The following UBE3A variants were observed in gnomAD, a reference collection of about 807,000 sequenced individuals.
UBE3A encodes the protein ubiquitin-protein ligase E3A.
Under a neutral mutation model 83.4 loss-of-function variants are expected in UBE3A, and 6 were observed. The ratio of observed to expected loss-of-function variants is 0.07; its 90% CI spans 0.04 to 0.14. The LOEUF (loss-of-function observed/expected upper bound fraction) is 0.14, where lower values mean the gene tolerates loss of function less well. UBE3A is among the 10% of genes least tolerant of loss of function. The pLI is 1.00. For missense variants in UBE3A, 456 were observed against 1,036.1 expected (o/e 0.44, Z 7.69); for synonymous variants, 337 against 355.4 (o/e 0.95, Z 0.58).
At chr15:25,340,000 G>T (rs2074468148) in intron 12 of UBE3A, 85 bp downstream of exon 12, 1 of 1,548,520 alleles carries the variant, frequency 6.5e-7, no homozygotes, top group African/African-American at 1.4e-5. Flanking sequence ...AATGTGCTCA[G>T]AAACTATAAA....
chr15:25,388,176 C>T (rs12591773), intron 4 of UBE3A, among the ~76,000 whole-genome samples: 82,157 of 152,006 alleles, frequency 0.54, 26,213 homozygotes, highest in Non-Finnish European at 0.7. Flanking sequence ...AAACTACAGA[C>T]CCATATTTGT....
chr15:25,390,787 T>TA (rs1023045398), intron 4 of UBE3A, among the ~76,000 whole-genome samples: 8 of 152,040 alleles, frequency 5.3e-5, no homozygotes, highest in Admixed American at 3.3e-4. Flanking sequence ...TTTGGGTAAT[T>TA]ATGATGTATC....
intron 8 of UBE3A, 72 bp downstream of exon 8, chr15:25,356,619 T>C (rs1443263862): frequency 5.5e-6 from 8 of 1,456,332 alleles, no homozygotes; most frequent in Admixed American, 1.8e-5. Flanking sequence ...CTTTAAAATT[T>C]TGACATAAAT....
chr15:25,405,579 G>A (rs1596250950), intron 3 of UBE3A, 77 bp from the exon 4 acceptor site: 2 of 1,462,790 alleles, frequency 1.4e-6, no homozygotes, highest in East Asian at 4.5e-5. Flanking sequence ...TACTTAGGAA[G>A]ACAATTTTGT....
intron 1 of UBE3A, chr15:25,418,925 T>C (rs1350342639): frequency 1.3e-5 from 2 of 152,188 alleles, no homozygotes; most frequent in African/African-American, 4.8e-5. Context: ...CCAAGGATGC[T>C]TCGAATCCCT....
chr15:25,411,597 ACAGCAGCAGCAG>A lies in UBE3A; in HGVS notation c.-101+299_-101+310del, dbSNP rs145204762. On this transcript the variant is annotated intron_variant, in intron 2 of 12. Transcript: ENST00000648336. ...AGAGCAAGACTCTGTCTCAAAAACA[ACAGCAGCAGCAG>A]CAGCAGCAACAACAACAACAAATGA... is the stretch of plus-strand genomic sequence containing the variant. Among the ~76,000 whole-genome samples, 61 of 152,190 alleles carry A rather than the reference ACAGCAGCAGCAG, an allele frequency of 4.0e-4. No homozygotes were observed. In the East Asian group the frequency reaches 0.012, roughly 29 times the overall value.
chr15:25,417,062 T>C (rs1171751446), intron 1 of UBE3A, among the ~76,000 whole-genome samples: 2 of 152,110 alleles, frequency 1.3e-5, no homozygotes, highest in African/African-American at 4.8e-5. Flanking sequence ...CACTGCTGAG[T>C]ACTAACTGTA....
rs944882013 is a variant in UBE3A at position 25,335,535 on chromosome 15, G to A, written c.*3602C>T. 6.6e-6 allele frequency: 1 copy of A among 152,156 alleles called. No individual in the cohort carries two copies. Among genetic ancestry groups the A allele is most frequent in the Non-Finnish European group, 1.5e-5 (1 of 68,050 alleles). The allele number at this position is 152,156 out of a possible 1,614,324, so 9.4% of individuals were successfully genotyped here. On this transcript the variant is annotated 3_prime_UTR_variant, in exon 13 of 13. Coordinates refer to ENST00000648336, the MANE Select transcript of UBE3A (RefSeq NM_130839.5). ...GGACCTGTAAGGGCAGTATAAAGAAGGAAGGAATGATGGGAGAGGTTTAGG... is the reference window on the plus strand; with the variant it reads ...GGACCTGTAAGGGCAGTATAAAGAAAGAAGGAATGATGGGAGAGGTTTAGG...
chr15:25,354,833 T>C (rs189459106), intron 9 of UBE3A, 150 bp from the exon 10 acceptor site: 1 of 736,338 alleles, frequency 1.4e-6, no homozygotes, highest in African/African-American at 1.8e-5. Context: ...TTCTTAACAA[T>C]TTCACAATTC....
In UBE3A at chr15:25,339,297, G is replaced by A. The variant is rs373042168; in HGVS notation, c.2499-40C>T. 1 of 1,603,966 alleles carries A rather than the reference G, an allele frequency of 6.2e-7. No individual in the cohort carries two copies. On this transcript the variant is annotated intron_variant, in intron 12 of 12. Transcript: ENST00000648336. ...GGGGAAAAAAACAGGAAAACTGTAAGTCATGGGAAATACACTTAGAATTAA... is the reference window on the plus strand; with the variant it reads ...GGGGAAAAAAACAGGAAAACTGTAAATCATGGGAAATACACTTAGAATTAA...
chr15:25,378,207 AAAAT>A (rs1295992969), intron 4 of UBE3A, among the ~76,000 whole-genome samples: 2 of 152,144 alleles, frequency 1.3e-5, no homozygotes, highest in African/African-American at 4.8e-5. Flanking sequence ...CTTTTATACT[AAAAT>A]AACCTCCCCA....
intron 1 of UBE3A, among the ~76,000 whole-genome samples, chr15:25,430,434 AAG>A (rs931904836): frequency 1.1e-4 from 16 of 148,468 alleles, no homozygotes; most frequent in African/African-American, 4.0e-4. Flanking sequence ...TTGACCATTT[AAG>A]AGAGAGATTA....
chr15:25,336,467 T>A lies in UBE3A; in HGVS notation c.*2670A>T, dbSNP rs2048385091. The A allele has an allele frequency of 1.3e-5, 2 of 152,196 alleles. No homozygotes were observed. The highest frequency in any genetic ancestry group is 4.8e-5 in the African/African-American group (2 of 41,458). 9.4% of individuals were successfully genotyped at this position (152,196 alleles called of 1,614,324 possible). On this transcript the variant is annotated 3_prime_UTR_variant, in exon 13 of 13. Transcript: ENST00000648336. ...GAGTGATGCTGCCCCATTACAACCA[T>A]CTGTTCTAACAGAATGTCTGTACCG...
chr15:25,400,363 C>T (rs2086788612), intron 4 of UBE3A, among the ~76,000 whole-genome samples: 1 of 152,122 alleles, frequency 6.6e-6, no homozygotes, highest in African/African-American at 2.4e-5. Flanking sequence ...CACACATCCT[C>T]GTGTATACTT....
chr15:25,379,338 A>G (rs147502917), intron 4 of UBE3A, among the ~76,000 whole-genome samples: 1,614 of 152,298 alleles, frequency 0.011, 25 homozygotes, highest in Middle Eastern at 0.034. Flanking sequence ...GAGAAATTAC[A>G]TAAGTCATAC....
rs554211969 is a variant in UBE3A, at chr15:25,371,862, T to C, written c.362-50A>G. The C allele has an allele frequency of 1.9e-6, 3 of 1,551,700 alleles. No individual in the cohort carries two copies. The African/African-American group carries it at 4.1e-5, about 21-fold the overall frequency. ...AACATTTATTTTCATAATATGTATG[T>C]TTACTCTGTTGCAAAAAGTTCTAAA... On this transcript the variant is annotated intron_variant, in intron 5 of 12. Coordinates refer to ENST00000648336, the MANE Select transcript of UBE3A (RefSeq NM_130839.5). The surrounding 1 kb of genome is among the most constrained non-coding windows in gnomAD (Gnocchi z 5.3).
chr15:25,364,643 TTG>T (rs1454202604), intron 6 of UBE3A, among the ~76,000 whole-genome samples: 41 of 96,862 alleles, frequency 4.2e-4, no homozygotes, highest in South Asian at 2.1e-3. Context: ...TTTTTTTTGT[TTG>T]TTTTTTTTTT....
At chr15:25,368,805 T>C (rs1470086554) in intron 6 of UBE3A, among the ~76,000 whole-genome samples, 1 of 152,198 alleles carries the variant, frequency 6.6e-6, no homozygotes, top group Non-Finnish European at 1.5e-5. Context: ...CTTTTGTTTT[T>C]AGTCTTGCTT....
At chr15:25,433,914 A>C (rs902905966) in intron 1 of UBE3A, among the ~76,000 whole-genome samples, 1 of 152,124 alleles carries the variant, frequency 6.6e-6, no homozygotes, top group African/African-American at 2.4e-5. Flanking sequence ...AAAATTAAAA[A>C]ATAAAAAAAT....
Sources: gnomAD v4.1 joint callset for allele counts (sites outside exome capture counted in the v4.1 genomes callset) on GRCh38, gnomAD v4.1.1 for gene constraint, Gnocchi (gnomAD v3.1) non-coding constraint, MANE v1.5 for transcripts, NCBI Gene and HGNC (gene_info 2026-07-23, HGNC 2026-07-21) for gene names.